The following COG5 variants were observed in gnomAD, a reference collection of about 807,000 sequenced individuals.
The protein encoded by COG5 is component of oligomeric golgi complex 5, also known as conserved oligomeric Golgi complex subunit 5.
In COG5, 86 loss-of-function variants were observed where a neutral mutation model predicts 110.4. The ratio of observed to expected loss-of-function variants is 0.78; its 90% CI spans 0.65 to 0.93. The LOEUF (loss-of-function observed/expected upper bound fraction) is 0.93, where lower values mean the gene tolerates loss of function less well. Ranked by LOEUF, COG5 falls within the 40% of genes least tolerant of loss-of-function variation. The pLI, the probability that COG5 is intolerant of heterozygous loss-of-function variation, is 0.00. For missense variants in COG5, 1,077 were observed against 987.0 expected (o/e 1.09, Z -1.22); for synonymous variants, 360 against 334.6 (o/e 1.08, Z -0.83).
chr7:107,437,869 T>C (rs746385017), intron 6 of COG5, among the ~76,000 whole-genome samples: 36 of 152,194 alleles, frequency 2.4e-4, no homozygotes, highest in Non-Finnish European at 4.9e-4. Context: ...ATTTTGTTCA[T>C]GGTAATAAGG....
At chr7:107,563,634 A>G (rs1563104220) in intron 1 of COG5, 169 bp downstream of exon 1, 9 of 747,258 alleles carry the variant, frequency 1.2e-5, no homozygotes, top group Non-Finnish European at 2.1e-5. Context: ...TCCCAGAGTA[A>G]ATAGGTTGGC....
intron 16 of COG5, among the ~76,000 whole-genome samples, chr7:107,249,093 C>G (rs1584571178): frequency 6.6e-6 from 1 of 152,284 alleles, no homozygotes; most frequent in East Asian, 1.9e-4. Context: ...CCTGCTCCCA[C>G]CTTCTACCCG....
intron 6 of COG5, among the ~76,000 whole-genome samples, chr7:107,513,473 T>G (rs1436183221): frequency 6.6e-6 from 1 of 152,218 alleles, no homozygotes; most frequent in African/African-American, 2.4e-5. Context: ...GTTCCACCAT[T>G]GTGCAAGTCA....
intron 6 of COG5, among the ~76,000 whole-genome samples, chr7:107,470,673 G>T (rs1280840645): frequency 6.6e-6 from 1 of 152,032 alleles, no homozygotes; most frequent in Non-Finnish European, 1.5e-5. Flanking sequence ...TATGAAGACA[G>T]CTTTTGAGTC....
intron 11 of COG5, among the ~76,000 whole-genome samples, chr7:107,323,217 G>A (rs1420725700): frequency 2.6e-5 from 4 of 152,118 alleles, no homozygotes; most frequent in African/African-American, 9.7e-5. Context: ...CTCCCAAAAT[G>A]AGCAGTGTGA....
chr7:107,446,033 TA>T (rs1472511810), intron 6 of COG5, among the ~76,000 whole-genome samples: 3 of 152,204 alleles, frequency 2.0e-5, no homozygotes, highest in Non-Finnish European at 4.4e-5. Context: ...TCAGCAGCTC[TA>T]GGAACAATCT....
rs79037687 is a variant in COG5 at position 107,482,769 on chromosome 7, A to G, written c.538+44468T>C. On this transcript the variant is annotated intron_variant, in intron 6 of 21. Coordinates refer to ENST00000297135, the MANE Select transcript of COG5 (RefSeq NM_006348.5). ...TTTAAAAACCATATACTCTCAGAAG[A>G]TAAAATGCTATCAAACACAAAACAT... is the stretch of plus-strand genomic sequence containing the variant. Among the ~76,000 whole-genome samples, 639 of 152,328 alleles carry G rather than the reference A, an allele frequency of 4.2e-3. 11 individuals carry two copies. The East Asian group carries it at 0.066, about 16-fold the overall frequency.
Position 107,249,690 on chromosome 7 carries a change from T to TTGTGTC in COG5, c.1750-1192_1750-1191insGACACA, listed in dbSNP as rs1247487439. Among the ~76,000 whole-genome samples, 169 of 131,758 alleles carry TTGTGTC rather than the reference T, an allele frequency of 1.3e-3. 2 individuals are homozygous for TTGTGTC. The highest frequency in any genetic ancestry group is 4.8e-3 in the South Asian group (18 of 3,754). The allele number at this position is 131,758 out of a possible 152,430, so 86.4% of individuals were successfully genotyped here. A position where few individuals can be genotyped will look rare whatever the true frequency, so the allele number is the denominator to read the frequency against. ...AAAAATAAATATACAACGTACAGGA[T>TTGTGTC]TGTGTGTGTGTGTGTGTGTGTGTGT... On this transcript the variant is annotated intron_variant, in intron 16 of 21. Coordinates refer to ENST00000297135, the MANE Select transcript of COG5 (RefSeq NM_006348.5).
intron 6 of COG5, among the ~76,000 whole-genome samples, chr7:107,466,033 AAG>A (rs921233350): frequency 3.3e-5 from 5 of 152,178 alleles, no homozygotes; most frequent in African/African-American, 1.2e-4. Context: ...ACTTAAGAGT[AAG>A]AGAATTATGC....
intron 14 of COG5, among the ~76,000 whole-genome samples, chr7:107,260,913 G>C (rs1326775381): frequency 6.6e-6 from 1 of 151,224 alleles, no homozygotes; most frequent in African/African-American, 2.4e-5. Context: ...ATGACCTTGT[G>C]TTTCTCTCCA....
chr7:107,253,324 G>A (rs774935679), intron 16 of COG5: 2 of 152,144 alleles, frequency 1.3e-5, no homozygotes, highest in Non-Finnish European at 2.9e-5. Flanking sequence ...TATTTCCTAT[G>A]CTCTTTACAA....
intron 6 of COG5, among the ~76,000 whole-genome samples, chr7:107,446,617 C>T (rs894536267): frequency 1.3e-5 from 2 of 152,286 alleles, no homozygotes; most frequent in East Asian, 1.9e-4. Flanking sequence ...TACCCACATG[C>T]TCTCACTGTC....
rs1392612372 is a variant in COG5 at position 107,424,887 on chromosome 7, G to A, written c.539-12255C>T. Among the ~76,000 whole-genome samples the A allele has an allele frequency of 2.0e-5, 3 of 152,086 alleles. No individual in the cohort carries two copies. The East Asian group carries it at 5.8e-4, about 29-fold the overall frequency. On this transcript the variant is annotated intron_variant, in intron 6 of 21. Coordinates refer to ENST00000297135, the MANE Select transcript of COG5 (RefSeq NM_006348.5). ...GAGGGTCTGCTTCACTCAGGTCCAA[G>A]CACTCCAAAAAATTAAAAGCTTAGT...
At chr7:107,299,822 T>A (rs1807077168) in intron 11 of COG5, among the ~76,000 whole-genome samples, 1 of 107,044 alleles carries the variant, frequency 9.3e-6, no homozygotes, top group Admixed American at 9.9e-5. Context: ...AAATTCATAG[T>A]TGGCATATAT....
At chr7:107,560,325 T>C (rs756702937) in intron 1 of COG5, among the ~76,000 whole-genome samples, 10 of 152,112 alleles carry the variant, frequency 6.6e-5, no homozygotes, top group Non-Finnish European at 1.3e-4. Context: ...GCCTAAGACA[T>C]AATGAAGGCC....
At chr7:107,211,771 A>C (rs1021498425) in intron 19 of COG5, among the ~76,000 whole-genome samples, 1 of 152,222 alleles carries the variant, frequency 6.6e-6, no homozygotes, top group Admixed American at 6.5e-5. Flanking sequence ...ACTATATTAC[A>C]TGTATGGGTT....
chr7:107,448,568 C>G (rs1344168318), intron 6 of COG5, among the ~76,000 whole-genome samples: 1 of 152,158 alleles, frequency 6.6e-6, no homozygotes, highest in Non-Finnish European at 1.5e-5. Context: ...CTATTTCCCC[C>G]CTTTTGTGGC....
chr7:107,393,236 T>C (rs1362699413), intron 7 of COG5, among the ~76,000 whole-genome samples: 1 of 152,206 alleles, frequency 6.6e-6, no homozygotes, highest in Non-Finnish European at 1.5e-5. Flanking sequence ...ATTTTTTCAA[T>C]GTTCCAGGAT....
rs1005822317 is a variant in COG5 at position 107,546,754 on chromosome 7, T to C, written c.417+1357A>G. Among the ~76,000 whole-genome samples the C allele has an allele frequency of 5.3e-5, 8 of 152,092 alleles. 1 individual carries two copies. Among genetic ancestry groups the C allele is most frequent in the Admixed American group, 3.9e-4 (6 of 15,272 alleles). On this transcript the variant is annotated intron_variant, in intron 5 of 21. Coordinates refer to ENST00000297135, the MANE Select transcript of COG5 (RefSeq NM_006348.5). ...TATAAGAAACTACTATGAACAAATA[T>C]ATGCCAACAAACTGGATAACTTAGA... is the stretch of plus-strand genomic sequence containing the variant.
Sources: allele counts gnomAD v4.1 joint callset (sites outside exome capture counted in the v4.1 genomes callset), GRCh38; gene constraint gnomAD v4.1.1; transcripts MANE v1.5; gene names NCBI Gene and HGNC (gene_info 2026-07-23, HGNC 2026-07-21).